HSF2: variants seen among roughly 807,000 people sequenced by gnomAD.
HSF2 encodes the protein heat shock transcription factor 2.
A neutral mutation model predicts 65.0 loss-of-function variants in HSF2; 21 were observed. The observed-to-expected ratio is 0.32, with a 90% CI of 0.23 to 0.47. The LOEUF is 0.47. HSF2 is among the 20% of genes least tolerant of loss of function. The pLI, the probability that HSF2 is intolerant of heterozygous loss-of-function variation, is 1.00. For synonymous variants in HSF2, 225 were observed against 219.1 expected, an observed-to-expected ratio of 1.03 and a Z score of -0.24; for missense variants, 499 against 628.1, an observed-to-expected ratio of 0.79 and a Z score of 2.20.
In HSF2 at chr6:122,432,167, T is replaced by A; in HGVS notation, c.1558T>A (p.Cys520Ser). The A allele has an allele frequency of 6.2e-7, 1 of 1,614,144 alleles. No individual in the cohort carries two copies. Among genetic ancestry groups the A allele is most frequent in the East Asian group, 2.2e-5 (1 of 44,878 alleles). Residue 520 changes from cysteine (C) to serine (S), a missense_variant, in exon 13 of 13, where the codon TGT becomes AGT. Physicochemically the swap from Cys to Ser is moderately radical, Grantham distance 112 (BLOSUM62 -1). This residue lies in a region of HSF2 where 349 missense variants were observed against 393.5 expected (regional missense o/e 0.89). Coordinates refer to ENST00000368455, the MANE Select transcript of HSF2 (RefSeq NM_004506.4). ...TAGTGAAGCTACACTGTTTTATTTA[T>A]GTGAACTTGCTCCTGCACCTCTGGA... is the stretch of plus-strand genomic sequence containing the variant. Reference protein sequence around the residue: ...EASEATLFYLCELAPAPLDSD... With the variant: ...EASEATLFYLSELAPAPLDSD...
intron 1 of HSF2, 93 bp downstream of exon 1, chr6:122,399,923 G>C (rs1047910148): frequency 3.1e-6 from 3 of 976,266 alleles, no homozygotes; most frequent in African/African-American, 3.3e-5. Context: ...CTTGCGGCTC[G>C]ACGCTGTCTG....
rs73539080 is a variant in HSF2, at chr6:122,419,280, T to C, written c.593+51T>C. On this transcript the variant is annotated intron_variant, in intron 6 of 12. Transcript: ENST00000368455. ...GTCCTGTATATAGGCAGTCACACTT[T>C]TTAGTGTTTAACCATGAGTAGCCTA... The C allele has an allele frequency of 3.3e-4, 288 of 868,526 alleles. No individual in the cohort carries two copies. In the African/African-American group the frequency reaches 4.6e-3, roughly 14 times the overall value. 53.8% of individuals were successfully genotyped at this position (868,526 alleles called of 1,614,324 possible).
At chr6:122,427,723 C>T (rs946031248) in intron 10 of HSF2, among the ~76,000 whole-genome samples, 180 bp from the exon 11 acceptor site, 3 of 151,970 alleles carry the variant, frequency 2.0e-5, no homozygotes, top group African/African-American at 7.2e-5. Context: ...CATGGGCTAG[C>T]TTGTTCTGCT....
At chr6:122,406,241 A>ATATTCCT (rs1262723794) in intron 1 of HSF2, among the ~76,000 whole-genome samples, 1 of 152,168 alleles carries the variant, frequency 6.6e-6, no homozygotes, top group Non-Finnish European at 1.5e-5. Flanking sequence ...GGATTTGTGA[A>ATATTCCT]TATTTTAGGT....
chr6:122,420,696 A>ATTTTT (rs1353831309), intron 7 of HSF2, among the ~76,000 whole-genome samples: 7 of 20,366 alleles, frequency 3.4e-4, no homozygotes, highest in South Asian at 1.6e-3. Flanking sequence ...TAGTTTATTC[A>ATTTTT]TTTCTTTTTT....
intron 1 of HSF2, among the ~76,000 whole-genome samples, chr6:122,400,145 G>A (rs1457981645): frequency 1.3e-5 from 2 of 152,164 alleles, no homozygotes; most frequent in Non-Finnish European, 2.9e-5. Flanking sequence ...GGGAATCGGC[G>A]AGCCGAGGGC....
At chr6:122,418,523 A>G (rs757718607) in intron 5 of HSF2, among the ~76,000 whole-genome samples, 13 of 152,358 alleles carry the variant, frequency 8.5e-5, no homozygotes, top group Middle Eastern at 3.4e-3. Context: ...TTAATTAAAT[A>G]TTAAAGATTA....
At chr6:122,415,069 G>A (rs1244435322) in intron 4 of HSF2, among the ~76,000 whole-genome samples, 1 of 152,144 alleles carries the variant, frequency 6.6e-6, no homozygotes, top group Admixed American at 6.5e-5. Context: ...TAAAGAAGAT[G>A]ACTTGTGGAG....
At chr6:122,426,969 G>A (rs3799540) in intron 10 of HSF2, among the ~76,000 whole-genome samples, 13,886 of 151,952 alleles carry the variant, frequency 0.091, 760 homozygotes, top group South Asian at 0.15. Flanking sequence ...TATTATACCC[G>A]TGTGTTCTTC....
chr6:122,418,163 AT>A (rs1427146358), intron 5 of HSF2, among the ~76,000 whole-genome samples: 1 of 152,160 alleles, frequency 6.6e-6, no homozygotes, highest in East Asian at 1.9e-4. Flanking sequence ...GCTCCAATCA[AT>A]TTTGGCTTTT....
At chr6:122,408,023 A>G (rs939760005) in intron 1 of HSF2, among the ~76,000 whole-genome samples, 6 of 151,988 alleles carry the variant, frequency 3.9e-5, no homozygotes, top group Admixed American at 3.9e-4. Context: ...AAGGACACCA[A>G]CCTAACCTGG....
chr6:122,399,591 C>T, upstream of HSF2: 1 of 642,900 alleles, frequency 1.6e-6, no homozygotes, highest in Admixed American at 3.0e-5. Context: ...CTCGGCCTTG[C>T]CGCGCGCCTG....
At chr6:122,421,391 A>G (rs1043553319) in intron 7 of HSF2, among the ~76,000 whole-genome samples, 1 of 151,198 alleles carries the variant, frequency 6.6e-6, no homozygotes, top group Non-Finnish European at 1.5e-5. Context: ...CTCTACTGTT[A>G]GAAAATAATC....
At chr6:122,407,435 C>G (rs186488128) in intron 1 of HSF2, among the ~76,000 whole-genome samples, 1 of 152,122 alleles carries the variant, frequency 6.6e-6, no homozygotes, top group African/African-American at 2.4e-5. Context: ...TATTAGTTAT[C>G]GTTCTTACTT....
At chr6:122,404,233 G>A (rs1224088932) in intron 1 of HSF2, among the ~76,000 whole-genome samples, 1 of 152,142 alleles carries the variant, frequency 6.6e-6, no homozygotes, top group African/African-American at 2.4e-5. Context: ...TAGCTGTTTT[G>A]GATGAATTTG....
chr6:122,413,442 A>G (rs1774046078), intron 3 of HSF2, 83 bp from the exon 4 acceptor site: 1 of 1,043,742 alleles, frequency 9.6e-7, no homozygotes, highest in East Asian at 2.6e-5. Context: ...CAGGCTACGA[A>G]AACCTCTTCT....
intron 1 of HSF2, among the ~76,000 whole-genome samples, chr6:122,401,957 C>A (rs1773743186): frequency 6.6e-6 from 1 of 152,150 alleles, no homozygotes; most frequent in Admixed American, 6.5e-5. Context: ...GCTTGTCCAA[C>A]CCGAGGCTCA....
chr6:122,408,924 A>G (rs1773925814), intron 1 of HSF2, among the ~76,000 whole-genome samples: 1 of 151,900 alleles, frequency 6.6e-6, no homozygotes, highest in African/African-American at 2.4e-5. Flanking sequence ...GGAAGACACA[A>G]GAAAAGATTG....
chr6:122,425,132 A>T (rs1216612060), intron 10 of HSF2, among the ~76,000 whole-genome samples: 1 of 151,986 alleles, frequency 6.6e-6, no homozygotes, highest in African/African-American at 2.4e-5. Context: ...GATCTGCTCC[A>T]TCTTAAAAAA....
Sources: gnomAD v4.1 joint callset for allele counts (sites outside exome capture counted in the v4.1 genomes callset) on GRCh38, gnomAD v4.1.1 for gene constraint, gnomAD v4.1.1 regional missense constraint, MANE v1.5 for transcripts, NCBI Gene and HGNC (gene_info 2026-07-23, HGNC 2026-07-21) for gene names.